VSNL1: variants seen among roughly 807,000 people sequenced by gnomAD.
VSNL1 encodes visinin like 1.
VSNL1 carries 6 observed loss-of-function variants against 20.4 expected under a neutral mutation model. The observed-to-expected ratio is 0.29, with a 90% CI of 0.16 to 0.58. The LOEUF is 0.58. Ranked by LOEUF, VSNL1 falls within the 20% of genes least tolerant of loss-of-function variation. The pLI is 0.90. For missense variants in VSNL1, 100 were observed against 234.5 expected (o/e 0.43, Z 3.75); for synonymous variants, 93 against 86.4 (o/e 1.08, Z -0.42).
At position 17,620,804 on chromosome 2, in the gene VSNL1, G is replaced by A. The variant is rs376780888; in HGVS notation, c.162+28568G>A. Among the ~76,000 whole-genome samples the A allele has an allele frequency of 7.2e-5, 11 of 152,284 alleles. No individual in the cohort carries two copies. The East Asian group carries it at 1.2e-3, about 16-fold the overall frequency. On this transcript the variant is annotated intron_variant, in intron 2 of 3. Coordinates refer to ENST00000295156, the MANE Select transcript of VSNL1 (RefSeq NM_003385.5). The stretch of plus-strand genomic sequence containing the variant: ...TGCAAAGATCATACAACCTTCATCT[G>A]CTAGTGTAAAACAGTACAGACTAAC...
chr2:17,622,540 GAAAGAAAGAAAGA>G (rs1558303583), intron 2 of VSNL1, among the ~76,000 whole-genome samples: 1 of 35,838 alleles, frequency 2.8e-5, no homozygotes, highest in Non-Finnish European at 5.0e-5. Context: ...AGAAAAGAAA[GAAAGAAAGAAAGA>G]AAGAAAGAAA....
At chr2:17,628,484 T>C (rs1484378785) in intron 2 of VSNL1, among the ~76,000 whole-genome samples, 1 of 149,036 alleles carries the variant, frequency 6.7e-6, no homozygotes, top group African/African-American at 2.4e-5. Context: ...AGTGACATTG[T>C]GGTTTTTTTA....
intron 1 of VSNL1, among the ~76,000 whole-genome samples, chr2:17,566,181 T>C (rs1663935501): frequency 6.6e-6 from 1 of 152,230 alleles, no homozygotes; most frequent in African/African-American, 2.4e-5. Flanking sequence ...AACATTTAGT[T>C]ATCTTTTCTT....
intron 2 of VSNL1, among the ~76,000 whole-genome samples, chr2:17,598,643 C>T (rs1276034651): frequency 6.6e-6 from 1 of 152,114 alleles, no homozygotes; most frequent in Non-Finnish European, 1.5e-5. Flanking sequence ...ACACTGAAGT[C>T]GCAAGTAAAA....
At chr2:17,570,401 A>G (rs1340618808) in intron 1 of VSNL1, among the ~76,000 whole-genome samples, 1 of 152,204 alleles carries the variant, frequency 6.6e-6, no homozygotes, top group Non-Finnish European at 1.5e-5. Flanking sequence ...ACTTGACTTA[A>G]TGAGCTATTT....
At chr2:17,559,966 C>G (rs1663775749) in intron 1 of VSNL1, among the ~76,000 whole-genome samples, 1 of 151,672 alleles carries the variant, frequency 6.6e-6, no homozygotes, top group African/African-American at 2.4e-5. Flanking sequence ...TTAGTAAAAA[C>G]TGGATAAGGA....
chr2:17,642,738 C>G (rs943071644), intron 2 of VSNL1, among the ~76,000 whole-genome samples: 1 of 152,202 alleles, frequency 6.6e-6, no homozygotes, highest in Admixed American at 6.5e-5. Context: ...TCTGTGTAAA[C>G]AGAGAGATCT....
chr2:17,613,482 C>T (rs1665139531), intron 2 of VSNL1, among the ~76,000 whole-genome samples: 1 of 152,202 alleles, frequency 6.6e-6, no homozygotes, highest in Non-Finnish European at 1.5e-5. Flanking sequence ...TCAGTTCTAG[C>T]CCCACCACTG....
chr2:17,584,540 C>T (rs547365977), intron 1 of VSNL1, among the ~76,000 whole-genome samples: 13 of 152,214 alleles, frequency 8.5e-5, no homozygotes, highest in Middle Eastern at 3.4e-3. Context: ...GACCAATGTC[C>T]GCTGCCAGCA....
At chr2:17,635,351 T>A (rs902160481) in intron 2 of VSNL1, among the ~76,000 whole-genome samples, 1 of 152,052 alleles carries the variant, frequency 6.6e-6, no homozygotes, top group African/African-American at 2.4e-5. Flanking sequence ...TGATGACAGG[T>A]GGAAGGCAAA....
chr2:17,595,305 A>G (rs1664687241), intron 2 of VSNL1, among the ~76,000 whole-genome samples: 1 of 152,228 alleles, frequency 6.6e-6, no homozygotes, highest in South Asian at 2.1e-4. Flanking sequence ...ATGGAGGCAT[A>G]TAAAAGTGAC....
At chr2:17,610,893 G>A (rs1056919427) in intron 2 of VSNL1, among the ~76,000 whole-genome samples, 1 of 152,156 alleles carries the variant, frequency 6.6e-6, no homozygotes. Context: ...TTTTCCCAAG[G>A]AAGAAGAAAA....
intron 2 of VSNL1, among the ~76,000 whole-genome samples, chr2:17,605,300 G>A (rs1313132589): frequency 6.6e-6 from 1 of 152,198 alleles, no homozygotes; most frequent in Non-Finnish European, 1.5e-5. Flanking sequence ...TGCCCCCTTG[G>A]TGGTATGGAA....
chr2:17,554,538 A>G (rs1663627776), intron 1 of VSNL1, among the ~76,000 whole-genome samples: 1 of 152,096 alleles, frequency 6.6e-6, no homozygotes, highest in Middle Eastern at 3.2e-3. Flanking sequence ...TTTTTCTTTC[A>G]GAACACTTTT....
At chr2:17,635,092 G>A (rs1665722196) in intron 2 of VSNL1, among the ~76,000 whole-genome samples, 1 of 151,984 alleles carries the variant, frequency 6.6e-6, no homozygotes, top group Admixed American at 6.6e-5. Context: ...CAAGCTGTTG[G>A]GCAGAAGTGG....
intron 1 of VSNL1, among the ~76,000 whole-genome samples, chr2:17,581,615 A>G (rs569397114): frequency 6.6e-6 from 1 of 152,326 alleles, no homozygotes; most frequent in South Asian, 2.1e-4. Flanking sequence ...TCGAGAGACC[A>G]CTTTATAAAA....
At chr2:17,578,088 A>G (rs1664259630) in intron 1 of VSNL1, among the ~76,000 whole-genome samples, 1 of 152,250 alleles carries the variant, frequency 6.6e-6, no homozygotes, top group Non-Finnish European at 1.5e-5. Context: ...AATATCGGTC[A>G]TATAGATTTA....
chr2:17,622,963 T>A (rs551116036), intron 2 of VSNL1, among the ~76,000 whole-genome samples: 1 of 152,298 alleles, frequency 6.6e-6, no homozygotes, highest in African/African-American at 2.4e-5. Flanking sequence ...GGTTCCCTCA[T>A]CTACACAAAA....
chr2:17,641,726 C>A (rs1342707142), intron 2 of VSNL1, among the ~76,000 whole-genome samples: 1 of 152,144 alleles, frequency 6.6e-6, no homozygotes, highest in Non-Finnish European at 1.5e-5. Flanking sequence ...GATACTTAAA[C>A]TTACTTATAG....
Sources: allele counts gnomAD v4.1 joint callset (sites outside exome capture counted in the v4.1 genomes callset), GRCh38; gene constraint gnomAD v4.1.1; transcripts MANE v1.5; gene names NCBI Gene and HGNC (gene_info 2026-07-23, HGNC 2026-07-21).